Variants in CLEC2A observed in about 807,000 individuals in gnomAD.
CLEC2A encodes keratinocyte-associated C-type lectin.
A neutral mutation model predicts 18.6 loss-of-function variants in CLEC2A; 19 were observed. That is an observed-to-expected ratio of 1.02 (90% CI 0.71 to 1.50). The LOEUF (loss-of-function observed/expected upper bound fraction) is 1.50, where lower values mean the gene tolerates loss of function less well. Among genes scored for constraint, CLEC2A ranks in the 40% most tolerant of loss-of-function variants. The probability of loss-of-function intolerance (pLI) is 0.00; values close to 1 mark genes in which losing one functional copy is unlikely to be tolerated. For missense variants in CLEC2A, 190 were observed against 207.9 expected, an observed-to-expected ratio of 0.91 and a Z score of 0.53; for synonymous variants, 74 against 64.0, an observed-to-expected ratio of 1.16 and a Z score of -0.75.
At chr12:9,911,869 C>T (rs1051424330), downstream of CLEC2A, among the ~76,000 whole-genome samples, 2 of 152,042 alleles carry the variant, frequency 1.3e-5, no homozygotes, top group Non-Finnish European at 1.5e-5. Flanking sequence ...TAAGGCAGGG[C>T]TGCTAAACAA....
intron 2 of CLEC2A, among the ~76,000 whole-genome samples, chr12:9,923,982 G>A (rs1454275691): frequency 6.6e-6 from 1 of 152,000 alleles, no homozygotes; most frequent in Non-Finnish European, 1.5e-5. Context: ...GGGAGAGTGG[G>A]GAGGGATAGC....
At chr12:9,899,026 C>T (rs550369988) in intron 4 of CLEC2A, 31 of 694,628 alleles carry the variant, frequency 4.5e-5, no homozygotes, top group African/African-American at 3.9e-4. Flanking sequence ...TATATCAAAA[C>T]GAAACAAAAC....
chr12:9,890,915 T>G, the CLEC2A span, among the ~76,000 whole-genome samples: 1 of 152,206 alleles, frequency 6.6e-6, no homozygotes, highest in Non-Finnish European at 1.5e-5. Context: ...CTTAATATCC[T>G]CTAATAGTCA....
At chr12:9,892,843 C>T in the CLEC2A span, among the ~76,000 whole-genome samples, 20 of 150,886 alleles carry the variant, frequency 1.3e-4, no homozygotes, top group South Asian at 4.0e-3. Flanking sequence ...CTCAGCCTCC[C>T]AAAGTGCTGG....
At chr12:9,902,215 G>C (rs116653282) in intron 4 of CLEC2A, among the ~76,000 whole-genome samples, 3 of 149,926 alleles carry the variant, frequency 2.0e-5, no homozygotes, top group African/African-American at 7.4e-5. Context: ...TGAGTGCTAA[G>C]TGTAGCCAAG....
downstream of CLEC2A, among the ~76,000 whole-genome samples, chr12:9,908,340 C>T (rs950992246): frequency 6.6e-6 from 1 of 152,170 alleles, no homozygotes; most frequent in Non-Finnish European, 1.5e-5. Context: ...TAAGTCCCTT[C>T]CTAACAGGTT....
intron 4 of CLEC2A, among the ~76,000 whole-genome samples, chr12:9,915,702 G>A (rs1863059470): frequency 6.6e-6 from 1 of 152,118 alleles, no homozygotes; most frequent in East Asian, 1.9e-4. Flanking sequence ...GGGGGCAGTA[G>A]GGGGTGGGAG....
At chr12:9,927,695 ATAAAG>A (rs1184507625) in intron 1 of CLEC2A, among the ~76,000 whole-genome samples, 3 of 152,224 alleles carry the variant, frequency 2.0e-5, no homozygotes, top group Non-Finnish European at 2.9e-5. Context: ...ATAATGTGCA[ATAAAG>A]TAATTTCAAG....
At chr12:9,884,873 T>A in the CLEC2A span, 1 of 534,944 alleles carries the variant, frequency 1.9e-6, no homozygotes, top group East Asian at 3.5e-5. Context: ...GTAATAAAAA[T>A]GAAACAGAAA....
the CLEC2A span, among the ~76,000 whole-genome samples, chr12:9,891,493 A>G: frequency 6.6e-6 from 1 of 152,190 alleles, no homozygotes; most frequent in African/African-American, 2.4e-5. Context: ...CAGTCTGTCA[A>G]TATCTACATA....
chr12:9,891,460 C>A, the CLEC2A span, among the ~76,000 whole-genome samples: 144 of 152,276 alleles, frequency 9.5e-4, 1 homozygote, highest in African/African-American at 2.6e-3. Flanking sequence ...TGTCTGGCAG[C>A]ACTCCAGTGG....
At chr12:9,913,800 C>T (rs1863025893) in intron 4 of CLEC2A, 120 bp from the exon 5 acceptor site, 2 of 606,858 alleles carry the variant, frequency 3.3e-6, no homozygotes, top group African/African-American at 1.9e-5. Context: ...GAAAATATAC[C>T]CACCCATCAC....
At chr12:9,903,876 A>G (rs1311868560) in intron 4 of CLEC2A, among the ~76,000 whole-genome samples, 1 of 152,194 alleles carries the variant, frequency 6.6e-6, no homozygotes, top group African/African-American at 2.4e-5. Context: ...ATGAGGGTCA[A>G]AGGACCCATG....
chr12:9,886,762 G>GC, the CLEC2A span, among the ~76,000 whole-genome samples: 86 of 45,606 alleles, frequency 1.9e-3, no homozygotes, highest in Non-Finnish European at 3.6e-3. Context: ...CCTATATCAT[G>GC]CAAAAAAAAA....
At chr12:9,896,980 C>G (rs913826837), downstream of CLEC2A, among the ~76,000 whole-genome samples, 1 of 151,844 alleles carries the variant, frequency 6.6e-6, no homozygotes, top group African/African-American at 2.4e-5. Flanking sequence ...GTGACTCAGC[C>G]TCTTGAGTAG....
downstream of CLEC2A, among the ~76,000 whole-genome samples, chr12:9,910,899 T>G (rs1862975374): frequency 6.6e-6 from 1 of 152,158 alleles, no homozygotes; most frequent in South Asian, 2.1e-4. Context: ...GTATCCCTGA[T>G]GAGCCCCTAT....
At chr12:9,897,003 G>A (rs1862764191), downstream of CLEC2A, among the ~76,000 whole-genome samples, 1 of 151,912 alleles carries the variant, frequency 6.6e-6, no homozygotes, top group Admixed American at 6.6e-5. Context: ...GGGATTACAG[G>A]CATGCACCAC....
In CLEC2A at chr12:9,913,410, C is replaced by T; in HGVS notation, c.*156G>A. 2.3e-6 allele frequency: 3 copies of T among 1,311,342 alleles called. No individual in the cohort carries two copies. The highest frequency in any genetic ancestry group is 2.0e-6 in the Non-Finnish European group (2 of 997,670). The allele number at this position is 1,311,342 out of a possible 1,614,324, so 81.2% of individuals were successfully genotyped here. ...AACGGCCTTGTCTCTTTAACCATGGCAGGGCACAGCAAGAAGTTTCCATCT... is the reference window on the plus strand; with the variant it reads ...AACGGCCTTGTCTCTTTAACCATGGTAGGGCACAGCAAGAAGTTTCCATCT... On this transcript the variant is annotated 3_prime_UTR_variant, in exon 5 of 5. Transcript: ENST00000455827.
intron 3 of CLEC2A, among the ~76,000 whole-genome samples, chr12:9,918,061 G>A (rs557803013): frequency 6.6e-6 from 1 of 152,204 alleles, no homozygotes; most frequent in Non-Finnish European, 1.5e-5. Flanking sequence ...TGTTTACTGT[G>A]TTAATAGTTT....
Sources: gnomAD v4.1 joint callset for allele counts (sites outside exome capture counted in the v4.1 genomes callset) on GRCh38, gnomAD v4.1.1 for gene constraint, MANE v1.5 for transcripts, NCBI Gene and HGNC (gene_info 2026-07-23, HGNC 2026-07-21) for gene names.